Variants in GASK1A observed in about 807,000 individuals in gnomAD.
GASK1A encodes the protein Golgi-associated kinase 1A.
Under a neutral mutation model 41.2 loss-of-function variants are expected in GASK1A, and 40 were observed. The ratio of observed to expected loss-of-function variants is 0.97; its 90% CI spans 0.75 to 1.27. GASK1A has a LOEUF of 1.27. Ranked by LOEUF, GASK1A falls within the 50% of genes most tolerant of loss-of-function variation. The probability of loss-of-function intolerance (pLI) is 0.00; values close to 1 mark genes in which losing one functional copy is unlikely to be tolerated. For missense variants in GASK1A, 678 were observed against 745.1 expected (o/e 0.91, Z 1.05); for synonymous variants, 316 against 307.1 (o/e 1.03, Z -0.30).
chr3:42,987,998 C>CAAAAAAAA lies in GASK1A; in HGVS notation c.3+8357_3+8364dup, dbSNP rs71072750. On this transcript the variant is annotated intron_variant, in intron 1 of 4. Coordinates refer to ENST00000430121, the MANE Select transcript of GASK1A (RefSeq NM_001129908.3). Reference sequence around the variant, plus strand: ...TCGGCGACAGAGCGAGACTCTAGCTCAAAAAAAAAAAGGGATGGGGGTAGG... The same window carrying CAAAAAAAA: ...TCGGCGACAGAGCGAGACTCTAGCTCAAAAAAAAAAAAAAAAAAAGGGATGGGGGTAGG... Among the ~76,000 whole-genome samples, 4 of 68,424 alleles carry CAAAAAAAA rather than the reference C, an allele frequency of 5.8e-5. 1 individual carries two copies. The highest frequency in any genetic ancestry group is 1.5e-4 in the African/African-American group (3 of 19,692). The allele number at this position is 68,424 out of a possible 152,430, so 44.9% of individuals were successfully genotyped here. A position where few individuals can be genotyped will look rare whatever the true frequency, so the allele number is the denominator to read the frequency against.
At chr3:43,055,270 C>G (rs1487953811) in intron 3 of GASK1A, among the ~76,000 whole-genome samples, 162 bp from the exon 4 acceptor site, 1 of 152,172 alleles carries the variant, frequency 6.6e-6, no homozygotes, top group Non-Finnish European at 1.5e-5. Context: ...TAGCACAGTG[C>G]CCAGCATAGA....
At chr3:43,018,651 A>G (rs2089506477) in intron 1 of GASK1A, among the ~76,000 whole-genome samples, 2 of 152,256 alleles carry the variant, frequency 1.3e-5, no homozygotes, top group African/African-American at 4.8e-5. Context: ...GACAAGAGAC[A>G]TAACAAAGCT....
rs149259252 is a variant in GASK1A, at chr3:43,014,803, G to A, written c.4-17464G>A. Among the ~76,000 whole-genome samples the A allele has an allele frequency of 4.5e-3, 686 of 152,230 alleles. 3 individuals carry two copies. The highest frequency in any genetic ancestry group is 0.02 in the Middle Eastern group (6 of 294). On this transcript the variant is annotated intron_variant, in intron 1 of 4. Transcript: ENST00000430121. ...AATGGGCAATGTGAAGTCACTGGAAGCGGTGGTGTGAAGCTACAGGAAAGG... is the reference window on the plus strand; with the variant it reads ...AATGGGCAATGTGAAGTCACTGGAAACGGTGGTGTGAAGCTACAGGAAAGG...
intron 2 of GASK1A, among the ~76,000 whole-genome samples, chr3:43,052,869 C>T (rs1290565188): frequency 6.6e-6 from 1 of 152,208 alleles, no homozygotes; most frequent in Non-Finnish European, 1.5e-5. Flanking sequence ...TGCACCTTTC[C>T]TTCTGAAGAA....
chr3:42,999,604 G>A (rs1182748621), intron 1 of GASK1A, among the ~76,000 whole-genome samples: 3 of 152,228 alleles, frequency 2.0e-5, no homozygotes, highest in Non-Finnish European at 2.9e-5. Context: ...CAGTAGAAAG[G>A]CATCTTAAAG....
intron 1 of GASK1A, among the ~76,000 whole-genome samples, chr3:42,988,978 C>A (rs2125673240): frequency 6.6e-6 from 1 of 152,276 alleles, no homozygotes; most frequent in South Asian, 2.1e-4. Context: ...GATATTCTGG[C>A]AAGGATTTAA....
At chr3:43,045,810 C>T (rs962807642) in intron 2 of GASK1A, among the ~76,000 whole-genome samples, 7 of 152,154 alleles carry the variant, frequency 4.6e-5, no homozygotes, top group African/African-American at 4.8e-5. Flanking sequence ...ATGCTATTCT[C>T]GTGATAGTGA....
chr3:43,036,315 G>C (rs935545500), intron 2 of GASK1A, among the ~76,000 whole-genome samples: 1 of 152,224 alleles, frequency 6.6e-6, no homozygotes, highest in Non-Finnish European at 1.5e-5. Flanking sequence ...TGGCAAGGCA[G>C]AGAGAGGCAG....
chr3:43,043,191 C>T (rs2089646458), intron 2 of GASK1A, among the ~76,000 whole-genome samples: 1 of 152,196 alleles, frequency 6.6e-6, no homozygotes, highest in African/African-American at 2.4e-5. Flanking sequence ...GTGAAGGTCC[C>T]AGGCCTGTGA....
chr3:42,994,437 T>TTG (rs1225907351), intron 1 of GASK1A, among the ~76,000 whole-genome samples: 1 of 151,988 alleles, frequency 6.6e-6, no homozygotes, highest in Non-Finnish European at 1.5e-5. Context: ...TTGACTGTCT[T>TTG]TGTGTATTTT....
In GASK1A at chr3:43,033,285, G is replaced by A. The variant is rs1416336667; in HGVS notation, c.1022G>A (p.Arg341His). The A allele has an allele frequency of 1.9e-6, 3 of 1,551,358 alleles. No homozygotes were observed. Among genetic ancestry groups the A allele is most frequent in the South Asian group, 1.2e-5 (1 of 84,028 alleles). The change falls in exon 2 of 5, where the codon CGC (arginine) becomes CAC (histidine). Residue 341 changes from arginine (R) to histidine (H), a missense_variant. By Grantham distance (29) the Arg-to-His change is conservative. Coordinates refer to ENST00000430121, the MANE Select transcript of GASK1A (RefSeq NM_001129908.3). ...SFHVDRVLGL[R>H]RSLPAVARRF... Reference sequence around the variant, plus strand: ...CACGTAGATCGTGTGCTGGGGCTGCGCCGGAGCCTACCTGCTGTGGCCCGC... The same window carrying A: ...CACGTAGATCGTGTGCTGGGGCTGCACCGGAGCCTACCTGCTGTGGCCCGC...
intron 2 of GASK1A, among the ~76,000 whole-genome samples, chr3:43,039,204 G>GTTT (rs548862246): frequency 2.9e-4 from 40 of 136,586 alleles, no homozygotes; most frequent in Non-Finnish European, 2.7e-4. Flanking sequence ...TTTTTTTTTT[G>GTTT]GTTTTTTTTT....
At chr3:43,042,672 G>GGA (rs2089643648) in intron 2 of GASK1A, among the ~76,000 whole-genome samples, 1 of 152,134 alleles carries the variant, frequency 6.6e-6, no homozygotes, top group African/African-American at 2.4e-5. Flanking sequence ...TTGCTGTGGT[G>GGA]GATTCATCTT....
intron 1 of GASK1A, among the ~76,000 whole-genome samples, chr3:42,983,645 A>G (rs1260226036): frequency 6.6e-6 from 1 of 152,164 alleles, no homozygotes; most frequent in African/African-American, 2.4e-5. Flanking sequence ...AATGAGTCGC[A>G]GAAGTCATCA....
chr3:42,979,386 T>C lies in GASK1A; in HGVS notation c.-257T>C, dbSNP rs1430223822. Reference sequence around the variant, plus strand: ...GCGGGTAGGCTCCCTCAGATCCCCGTAGATCTCAGTAGATCCGGCGTGTAT... The same window carrying C: ...GCGGGTAGGCTCCCTCAGATCCCCGCAGATCTCAGTAGATCCGGCGTGTAT... On this transcript the variant is annotated 5_prime_UTR_variant, in exon 1 of 5. Transcript: ENST00000430121. 1.3e-5 allele frequency: 5 copies of C among 392,672 alleles called. No homozygotes were observed. Among genetic ancestry groups the C allele is most frequent in the Non-Finnish European group, 2.2e-5 (5 of 224,212 alleles). 24.3% of individuals were successfully genotyped at this position (392,672 alleles called of 1,614,324 possible).
At chr3:42,999,977 A>G (rs1232077766) in intron 1 of GASK1A, among the ~76,000 whole-genome samples, 1 of 152,192 alleles carries the variant, frequency 6.6e-6, no homozygotes, top group Non-Finnish European at 1.5e-5. Context: ...ACTTGCCTCT[A>G]ATACGGACAC....
intron 2 of GASK1A, among the ~76,000 whole-genome samples, chr3:43,048,847 C>T (rs1267630441): frequency 6.6e-6 from 1 of 152,124 alleles, no homozygotes; most frequent in Non-Finnish European, 1.5e-5. Flanking sequence ...AAGCATCTAC[C>T]ATAGTTTCAG....
intron 1 of GASK1A, among the ~76,000 whole-genome samples, chr3:43,001,000 G>C (rs1452765949): frequency 1.3e-5 from 2 of 152,158 alleles, no homozygotes; most frequent in African/African-American, 2.4e-5. Flanking sequence ...AGATGCCTGG[G>C]TGCCTGTCAC....
intron 1 of GASK1A, among the ~76,000 whole-genome samples, chr3:43,019,156 C>T (rs1446476815): frequency 6.6e-6 from 1 of 152,206 alleles, no homozygotes; most frequent in Non-Finnish European, 1.5e-5. Flanking sequence ...TTTTGGTTTT[C>T]TTTCTTTTTC....
Sources: allele counts gnomAD v4.1 joint callset (sites outside exome capture counted in the v4.1 genomes callset), GRCh38; gene constraint gnomAD v4.1.1; transcripts MANE v1.5; gene names NCBI Gene and HGNC (gene_info 2026-07-23, HGNC 2026-07-21).